Variants in HELZ observed in about 807,000 individuals in gnomAD.
HELZ encodes the protein helicase with zinc finger.
In HELZ, 23 loss-of-function variants were observed where a neutral mutation model predicts 218.2. The observed-to-expected ratio is 0.11, with a 90% CI of 0.08 to 0.15. The LOEUF is 0.15. Among genes scored for constraint, HELZ ranks in the 10% least tolerant of loss-of-function variants. HELZ has a pLI of 1.00. For missense variants in HELZ, 1,813 were observed against 2,353.7 expected (o/e 0.77, Z 4.75); for synonymous variants, 814 against 829.4 (o/e 0.98, Z 0.32).
At chr17:67,235,589 A>G (rs2041157931) in intron 3 of HELZ, among the ~76,000 whole-genome samples, 1 of 152,114 alleles carries the variant, frequency 6.6e-6, no homozygotes, top group South Asian at 2.1e-4. Context: ...AACCCAGCAC[A>G]TGCCATCACA....
intron 5 of HELZ, among the ~76,000 whole-genome samples, chr17:67,209,094 G>T (rs1006696410): frequency 7.0e-6 from 1 of 143,148 alleles, no homozygotes; most frequent in Non-Finnish European, 1.5e-5. Context: ...GTTGAACTGC[G>T]TCTCTATTTT....
At chr17:67,154,779 T>C (rs1434625332) in intron 17 of HELZ, among the ~76,000 whole-genome samples, 1 of 152,194 alleles carries the variant, frequency 6.6e-6, no homozygotes, top group Non-Finnish European at 1.5e-5. Flanking sequence ...ATGTAGATAA[T>C]CTAGACTTGG....
At chr17:67,181,990 G>A (rs969228875) in intron 12 of HELZ, among the ~76,000 whole-genome samples, 3 of 136,154 alleles carry the variant, frequency 2.2e-5, no homozygotes, top group Non-Finnish European at 4.9e-5. Flanking sequence ...GGTCCCTTAT[G>A]GGGACACTGG....
intron 31 of HELZ, among the ~76,000 whole-genome samples, chr17:67,091,214 A>G (rs1598195551): frequency 6.6e-6 from 1 of 152,082 alleles, no homozygotes; most frequent in South Asian, 2.1e-4. Context: ...GGACTACAAT[A>G]AAGTAAAAAT....
At chr17:67,158,668 A>T (rs1020895083) in intron 17 of HELZ, among the ~76,000 whole-genome samples, 1 of 152,038 alleles carries the variant, frequency 6.6e-6, no homozygotes, top group East Asian at 1.9e-4. Context: ...CTTGGGCTGA[A>T]CCACTTTCGA....
At position 67,087,968 on chromosome 17, in the gene HELZ, T is replaced by A. The variant is rs541922725; in HGVS notation, c.5242-887A>T. ...TCCATCTAAGGCTAGACTGTCTGGG[T>A]TAGACTTCAGGCTCTGACTTTTATT... On this transcript the variant is annotated intron_variant, in intron 31 of 32. Coordinates refer to ENST00000358691, the MANE Select transcript of HELZ (RefSeq NM_014877.4). Among the ~76,000 whole-genome samples the A allele has an allele frequency of 3.9e-5, 6 of 152,276 alleles. No homozygotes were observed. The East Asian group carries it at 1.2e-3, about 29-fold the overall frequency.
intron 20 of HELZ, among the ~76,000 whole-genome samples, chr17:67,147,671 G>C (rs867113631): frequency 1.1e-4 from 16 of 150,728 alleles, no homozygotes; most frequent in Middle Eastern, 6.8e-3. Context: ...TGGTAGGAAG[G>C]GGGGGTCTTT....
intron 32 of HELZ, among the ~76,000 whole-genome samples, chr17:67,081,616 G>A (rs1319478090): frequency 5.3e-5 from 8 of 151,836 alleles, no homozygotes; most frequent in Non-Finnish European, 7.4e-5. Flanking sequence ...AGAGGACCAT[G>A]CCATCTTTTT....
intron 32 of HELZ, among the ~76,000 whole-genome samples, chr17:67,083,375 C>T (rs1047661423): frequency 2.0e-5 from 3 of 152,162 alleles, no homozygotes; most frequent in Non-Finnish European, 4.4e-5. Flanking sequence ...GGCACAGTGG[C>T]TCACGCCTGT....
chr17:67,114,192 C>G (rs2037363529), intron 28 of HELZ, 132 bp downstream of exon 28: 1 of 657,492 alleles, frequency 1.5e-6, no homozygotes, highest in South Asian at 1.9e-5. Flanking sequence ...ATATGGCTCA[C>G]TATATCCCTG....
chr17:67,200,158 C>A (rs2040132976), intron 7 of HELZ, among the ~76,000 whole-genome samples: 1 of 152,152 alleles, frequency 6.6e-6, no homozygotes, highest in Non-Finnish European at 1.5e-5. Context: ...AATCACTGTA[C>A]ATGGGCTTTT....
chr17:67,235,480 G>C (rs1228845907), intron 3 of HELZ, among the ~76,000 whole-genome samples: 4 of 151,478 alleles, frequency 2.6e-5, no homozygotes, highest in Non-Finnish European at 5.9e-5. Context: ...ACTCCAGCCT[G>C]GGCAACAGAG....
chr17:67,163,653 C>T (rs1384421093), intron 15 of HELZ, among the ~76,000 whole-genome samples: 9 of 152,052 alleles, frequency 5.9e-5, no homozygotes, highest in Admixed American at 5.2e-4. Flanking sequence ...CCACCCACCT[C>T]GGCCTCCCAA....
chr17:67,200,298 T>A (rs1478252293), intron 7 of HELZ, among the ~76,000 whole-genome samples: 2 of 152,250 alleles, frequency 1.3e-5, no homozygotes, highest in Non-Finnish European at 2.9e-5. Context: ...GCCACTGTTG[T>A]CCCTGACCTT....
chr17:67,243,250 C>T (rs1163051279), intron 2 of HELZ, among the ~76,000 whole-genome samples: 1 of 152,128 alleles, frequency 6.6e-6, no homozygotes, highest in Non-Finnish European at 1.5e-5. Flanking sequence ...ACACTATCAT[C>T]TTTATTTCAA....
Position 67,087,094 on chromosome 17 carries a change from A to G in HELZ, c.5242-13T>C. On this transcript the variant is annotated splice_polypyrimidine_tract_variant and intron_variant, in intron 31 of 32. Coordinates refer to ENST00000358691, the MANE Select transcript of HELZ (RefSeq NM_014877.4). ...CTCTGGGCTCATACTACACAAAGAA[A>G]AAGAACATTTCATAAATCAGTGCAC... The G allele has an allele frequency of 5.6e-6, 9 of 1,613,176 alleles. No homozygotes were observed. Among genetic ancestry groups the G allele is most frequent in the Non-Finnish European group, 7.6e-6 (9 of 1,179,420 alleles).
chr17:67,128,080 T>C (rs1341877044), intron 24 of HELZ, among the ~76,000 whole-genome samples: 5 of 152,110 alleles, frequency 3.3e-5, no homozygotes, highest in African/African-American at 1.2e-4. Flanking sequence ...AGTTCAAAAG[T>C]GGAAATAGCC....
chr17:67,123,080 A>T lies in HELZ; in HGVS notation c.3520T>A (p.Leu1174Met), dbSNP rs2037667020. 1 of 1,613,394 alleles carries T rather than the reference A, an allele frequency of 6.2e-7. No homozygotes were observed. The change falls in exon 26 of 33, where the codon TTG becomes ATG. Residue 1174 changes from leucine to methionine, a missense_variant. Physicochemically the swap from Leu to Met is conservative, Grantham distance 15 (BLOSUM62 2). Transcript: ENST00000358691. ...PPPPLGPHPN[L>M]GKSPSPVQRI... ...TGAACAGGGCTTGGAGATTTTCCCAAATTTGGGTGAGGTCCAAGAGGGGGT... is the reference window on the plus strand; with the variant it reads ...TGAACAGGGCTTGGAGATTTTCCCATATTTGGGTGAGGTCCAAGAGGGGGT...
At chr17:67,191,336 G>A (rs1472970054) in intron 9 of HELZ, among the ~76,000 whole-genome samples, 1 of 151,826 alleles carries the variant, frequency 6.6e-6, no homozygotes, top group Non-Finnish European at 1.5e-5. Flanking sequence ...TAAATTCAAG[G>A]GAATAAATTA....
Sources: allele counts gnomAD v4.1 joint callset (sites outside exome capture counted in the v4.1 genomes callset), GRCh38; gene constraint gnomAD v4.1.1; transcripts MANE v1.5; gene names NCBI Gene and HGNC (gene_info 2026-07-23, HGNC 2026-07-21).